The following LMO4 variants were observed in gnomAD, a reference collection of about 807,000 sequenced individuals.
The protein encoded by LMO4 is LIM domain only 4.
LMO4 carries 3 observed loss-of-function variants against 18.5 expected under a neutral mutation model. The observed-to-expected ratio is 0.16, with a 90% CI of 0.07 to 0.42. LMO4 has a LOEUF of 0.42. LMO4 is among the 10% of genes least tolerant of loss of function. The pLI, the probability that LMO4 is intolerant of heterozygous loss-of-function variation, is 0.99. For missense variants in LMO4, 121 were observed against 219.9 expected, an observed-to-expected ratio of 0.55 and a Z score of 2.84; for synonymous variants, 100 against 88.1, an observed-to-expected ratio of 1.14 and a Z score of -0.76.
rs201656413 is a variant in LMO4, at chr1:87,339,615, A to G, written c.316A>G (p.Asn106Asp). ...TGAACTCGTCATGAGGGCGCAAGGCAATGTGTATCATCTTAAGGTAGTATT... is the reference window on the plus strand; with the variant it reads ...TGAACTCGTCATGAGGGCGCAAGGCGATGTGTATCATCTTAAGGTAGTATT... The part of the protein sequence containing the change: ...ASELVMRAQG[N>D]VYHLKCFTCS... Residue 106 changes from asparagine (N) to aspartate (D), a missense_variant, in exon 3 of 5, where the codon AAT (asparagine) becomes GAT (aspartate). Asn to Asp is a conservative substitution (Grantham distance 23). This residue lies in a region of LMO4 where 62 missense variants were observed against 128.8 expected (regional missense o/e 0.48). Coordinates refer to ENST00000370544, the MANE Select transcript of LMO4 (RefSeq NM_006769.4). 6.2e-7 allele frequency: 1 copy of G among 1,611,468 alleles called. No homozygotes were observed. The highest frequency in any genetic ancestry group is 8.5e-7 in the Non-Finnish European group (1 of 1,177,762).
chr1:87,329,636 C>CT (rs1377911150), intron 1 of LMO4, among the ~76,000 whole-genome samples: 1 of 152,148 alleles, frequency 6.6e-6, no homozygotes, highest in African/African-American at 2.4e-5. Flanking sequence ...CCCCCCCTCC[C>CT]TTCTAGTAAA....
chr1:87,329,393 C>G (rs1338460153), intron 1 of LMO4, 149 bp downstream of exon 1: 2 of 152,254 alleles, frequency 1.3e-5, no homozygotes, highest in African/African-American at 4.8e-5. Flanking sequence ...AAGCGCGAGT[C>G]TGAAACTACC....
chr1:87,329,843 C>T (rs771775367), intron 1 of LMO4, among the ~76,000 whole-genome samples: 3 of 152,162 alleles, frequency 2.0e-5, no homozygotes, highest in Non-Finnish European at 4.4e-5. Context: ...ACGTTTGTCC[C>T]TCCCTTGGTC....
At position 87,344,689 on chromosome 1, in the gene LMO4, AGAT is replaced by A; in HGVS notation, c.490-98_490-96del. ...AGTTGGAAAGTAATCTAATAAAAGA[AGAT>A]TAGTGAATGTGGGGAAGACAAAAGC... is the stretch of plus-strand genomic sequence containing the variant. On this transcript the variant is annotated intron_variant, in intron 4 of 4. Transcript: ENST00000370544. The A allele has an allele frequency of 4.3e-6, 5 of 1,168,004 alleles. No homozygotes were observed. In the South Asian group the frequency reaches 6.2e-5, roughly 14 times the overall value. The allele number at this position is 1,168,004 out of a possible 1,614,324, so 72.4% of individuals were successfully genotyped here.
At position 87,346,817 on chromosome 1, in the gene LMO4, G is replaced by A. The variant is rs1650648610; in HGVS notation, c.*2021G>A. On this transcript the variant is annotated 3_prime_UTR_variant, in exon 5 of 5. Coordinates refer to ENST00000370544, the MANE Select transcript of LMO4 (RefSeq NM_006769.4). Reference sequence around the variant, plus strand: ...TTGAATTAGATGTCTGTTTGAATTAGATCCTTGGGGAATTTCTTCAAACTA... The same window carrying A: ...TTGAATTAGATGTCTGTTTGAATTAAATCCTTGGGGAATTTCTTCAAACTA... 4 of 152,328 alleles carry A rather than the reference G, an allele frequency of 2.6e-5. No individual in the cohort carries two copies. The highest frequency in any genetic ancestry group is 6.8e-3 in the Middle Eastern group (2 of 294). The allele number at this position is 152,328 out of a possible 1,614,324, so 9.4% of individuals were successfully genotyped here. A position where few individuals can be genotyped will look rare whatever the true frequency, so the allele number is the denominator to read the frequency against.
chr1:87,346,778 T>C lies in LMO4; in HGVS notation c.*1982T>C, dbSNP rs977590469. The C allele has an allele frequency of 6.6e-6, 1 of 152,210 alleles. No homozygotes were observed. The highest frequency in any genetic ancestry group is 6.5e-5 in the Admixed American group (1 of 15,282). The allele number at this position is 152,210 out of a possible 1,614,324, so 9.4% of individuals were successfully genotyped here. The stretch of plus-strand genomic sequence containing the variant: ...AATGCAAGAAAATAATATGAAGAAA[T>C]CACATATATATGTTTGAATTAGATG... On this transcript the variant is annotated 3_prime_UTR_variant, in exon 5 of 5. Coordinates refer to ENST00000370544, the MANE Select transcript of LMO4 (RefSeq NM_006769.4).
At chr1:87,332,864 G>A (rs1267867637) in intron 2 of LMO4, among the ~76,000 whole-genome samples, 1 of 152,152 alleles carries the variant, frequency 6.6e-6, no homozygotes, top group African/African-American at 2.4e-5. Flanking sequence ...TGGTGGTAAT[G>A]TTTCTCTTCA....
At chr1:87,344,715 AG>A (rs1306087126) in intron 4 of LMO4, 72 bp from the exon 5 acceptor site, 1 of 1,445,564 alleles carries the variant, frequency 6.9e-7, no homozygotes, top group Non-Finnish European at 9.7e-7. Flanking sequence ...GGAAGACAAA[AG>A]CAGTCATGTT....
At chr1:87,343,076 G>T (rs1304069855) in intron 4 of LMO4, among the ~76,000 whole-genome samples, 3 of 152,196 alleles carry the variant, frequency 2.0e-5, no homozygotes, top group Non-Finnish European at 4.4e-5. Flanking sequence ...TATACTCAAG[G>T]ATCCTCTGGC....
At chr1:87,338,011 A>G (rs1473519603) in intron 2 of LMO4, among the ~76,000 whole-genome samples, 1 of 151,524 alleles carries the variant, frequency 6.6e-6, no homozygotes, top group Non-Finnish European at 1.5e-5. Context: ...TTTTGATTGA[A>G]CTCTTCAAAT....
intron 1 of LMO4, among the ~76,000 whole-genome samples, chr1:87,330,199 C>G (rs867565307): frequency 6.8e-6 from 1 of 146,582 alleles, no homozygotes; most frequent in African/African-American, 2.5e-5. Context: ...GTTTCCTTTT[C>G]AAAAAAAAAA....
At chr1:87,334,600 A>AT (rs1650245793) in intron 2 of LMO4, among the ~76,000 whole-genome samples, 1 of 152,036 alleles carries the variant, frequency 6.6e-6, no homozygotes. Context: ...CCACATAGCG[A>AT]TTTACTGAGG....
At chr1:87,336,180 T>C (rs1373992624) in intron 2 of LMO4, among the ~76,000 whole-genome samples, 1 of 152,226 alleles carries the variant, frequency 6.6e-6, no homozygotes, top group African/African-American at 2.4e-5. Flanking sequence ...ACATTTAATA[T>C]AGCTGGTGCA....
rs1650044745 is a variant in LMO4, at chr1:87,328,889, ATTGCAGCAGT to A, written c.-357_-348del. 7 of 152,274 alleles carry A rather than the reference ATTGCAGCAGT, an allele frequency of 4.6e-5. No individual in the cohort carries two copies. The South Asian group carries it at 1.1e-3, about 24-fold the overall frequency. The allele number at this position is 152,274 out of a possible 1,614,324, so 9.4% of individuals were successfully genotyped here. ...CCACATTGCCAAACTTGCAGCAGCG[ATTGCAGCAGT>A]TGCTGCCGCTGCGCCGCGCCTGAAG... On this transcript the variant is annotated 5_prime_UTR_variant, in exon 1 of 5. In the 5' UTR this introduces an upstream ATG that the reference lacks. Transcript: ENST00000370544.
At position 87,340,161 on chromosome 1, in the gene LMO4, T is replaced by G; in HGVS notation, c.448T>G (p.Leu150Val). Residue 150 changes from leucine to valine, a missense_variant, in exon 4 of 5, where the codon TTG becomes GTG. By Grantham distance (32) the Leu-to-Val change is conservative. Transcript: ENST00000370544. ...DRPTALINGHLNSLQSNPLLP... is the reference protein window; with the variant it reads ...DRPTALINGHVNSLQSNPLLP... ...ACCTACAGCTCTCATCAATGGCCATTTGAATTCACTTCAGAGCAATCCACT... is the reference window on the plus strand; with the variant it reads ...ACCTACAGCTCTCATCAATGGCCATGTGAATTCACTTCAGAGCAATCCACT... 1 of 1,614,198 alleles carries G rather than the reference T, an allele frequency of 6.2e-7. No homozygotes were observed. The highest frequency in any genetic ancestry group is 2.2e-5 in the East Asian group (1 of 44,880).
In LMO4 at chr1:87,330,109, A is replaced by G. The variant is rs556402781; in HGVS notation, c.-4+865A>G. On this transcript the variant is annotated intron_variant, in intron 1 of 4. Coordinates refer to ENST00000370544, the MANE Select transcript of LMO4 (RefSeq NM_006769.4). ...TCAGTCTTCTTGATTCATCTCTTTT[A>G]GATTTAATCAGCATTAAGGTATTGC... Among the ~76,000 whole-genome samples the G allele has an allele frequency of 2.1e-5, 3 of 145,826 alleles. No homozygotes were observed. In the South Asian group the frequency reaches 6.4e-4, roughly 31 times the overall value.
rs748533412 is a variant in LMO4 at position 87,332,135 on chromosome 1, C to T, written c.120C>T (p.Asp40=). The T allele has an allele frequency of 1.9e-6, 3 of 1,614,222 alleles. No individual in the cohort carries two copies. Among genetic ancestry groups the T allele is most frequent in the Non-Finnish European group, 2.5e-6 (3 of 1,180,042 alleles). Residue 40 remains aspartate, a synonymous_variant, in exon 2 of 5, where the codon GAC becomes GAT. Coordinates refer to ENST00000370544, the MANE Select transcript of LMO4 (RefSeq NM_006769.4). The part of the protein sequence containing the change: ...IADRFLLYAM[D]SYWHSRCLKC... ...ACCGCTTTCTGCTCTATGCCATGGA[C>T]AGCTATTGGCACAGCCGGTGCCTCA...
chr1:87,346,788 ATGTTTGAATTAGATGTC>A lies in LMO4; in HGVS notation c.*2007_*2023del, dbSNP rs1650647728. On this transcript the variant is annotated 3_prime_UTR_variant, in exon 5 of 5. Coordinates refer to ENST00000370544, the MANE Select transcript of LMO4 (RefSeq NM_006769.4). ...AATAATATGAAGAAATCACATATAT[ATGTTTGAATTAGATGTC>A]TGTTTGAATTAGATCCTTGGGGAAT... is the stretch of plus-strand genomic sequence containing the variant. 1 of 152,240 alleles carries A rather than the reference ATGTTTGAATTAGATGTC, an allele frequency of 6.6e-6. No homozygotes were observed. The highest frequency in any genetic ancestry group is 1.9e-4 in the East Asian group (1 of 5,204). 9.4% of individuals were successfully genotyped at this position (152,240 alleles called of 1,614,324 possible).
At chr1:87,341,076 A>G (rs1270429367) in intron 4 of LMO4, among the ~76,000 whole-genome samples, 1 of 152,170 alleles carries the variant, frequency 6.6e-6, no homozygotes, top group Non-Finnish European at 1.5e-5. Context: ...ATTTGTAACA[A>G]TTACTGTCAA....
Sources: gnomAD v4.1 joint callset for allele counts (sites outside exome capture counted in the v4.1 genomes callset) on GRCh38, gnomAD v4.1.1 for gene constraint, gnomAD v4.1.1 regional missense constraint, MANE v1.5 for transcripts, NCBI Gene and HGNC (gene_info 2026-07-23, HGNC 2026-07-21) for gene names.